EFNA5: variants seen among roughly 807,000 people sequenced by gnomAD.
The protein encoded by EFNA5 is ephrin A5, also known as ephrin-A5.
Under a neutral mutation model 22.9 loss-of-function variants are expected in EFNA5, and 5 were observed. That is an observed-to-expected ratio of 0.22 (90% CI 0.11 to 0.46). The LOEUF (loss-of-function observed/expected upper bound fraction) is 0.46, where lower values mean the gene tolerates loss of function less well. EFNA5 is among the 20% of genes least tolerant of loss of function. EFNA5 has a pLI of 0.99. For missense variants in EFNA5, 237 were observed against 293.3 expected, an observed-to-expected ratio of 0.81 and a Z score of 1.40; for synonymous variants, 113 against 112.2, an observed-to-expected ratio of 1.01 and a Z score of -0.04.
chr5:107,391,721 T>C (rs1163610118), intron 2 of EFNA5, among the ~76,000 whole-genome samples: 2 of 152,180 alleles, frequency 1.3e-5, no homozygotes, highest in African/African-American at 2.4e-5. Flanking sequence ...ACAAGCACAA[T>C]GTCCCATTCC....
At chr5:107,631,755 T>C (rs1428780698) in intron 1 of EFNA5, among the ~76,000 whole-genome samples, 1 of 152,098 alleles carries the variant, frequency 6.6e-6, no homozygotes, top group Non-Finnish European at 1.5e-5. Flanking sequence ...AGAAAGAAAA[T>C]GGGAGGGGGG....
At chr5:107,555,699 C>G (rs1310533941) in intron 1 of EFNA5, among the ~76,000 whole-genome samples, 1 of 152,168 alleles carries the variant, frequency 6.6e-6, no homozygotes, top group Admixed American at 6.5e-5. Flanking sequence ...TATAGCTAAT[C>G]TGATTTTGCT....
chr5:107,484,923 G>A (rs553930685), intron 1 of EFNA5, among the ~76,000 whole-genome samples: 2 of 150,488 alleles, frequency 1.3e-5, no homozygotes, highest in Non-Finnish European at 3.0e-5. Flanking sequence ...AAAACAAGAA[G>A]TAGAAAATTG....
rs1412144653 is a variant in EFNA5, at chr5:107,568,156, A to G, written c.125+102333T>C. Among the ~76,000 whole-genome samples the G allele has an allele frequency of 2.6e-5, 4 of 152,130 alleles. No individual in the cohort carries two copies. The East Asian group carries it at 5.8e-4, about 22-fold the overall frequency. ...AAGTGATCCTCCCACCTCAGCCTCC[A>G]AAAGTGCTGAGATTACAAGTGTGAG... is the stretch of plus-strand genomic sequence containing the variant. On this transcript the variant is annotated intron_variant, in intron 1 of 4. Transcript: ENST00000333274.
intron 2 of EFNA5, among the ~76,000 whole-genome samples, chr5:107,403,337 G>GT (rs992234790): frequency 3.3e-5 from 5 of 152,156 alleles, no homozygotes; most frequent in Admixed American, 1.3e-4. Context: ...AATGATTACA[G>GT]TTTTTTTCTG....
intron 1 of EFNA5, among the ~76,000 whole-genome samples, chr5:107,600,408 G>GATTACAACCTAATAAC (rs1366349431): frequency 6.6e-6 from 1 of 152,058 alleles, no homozygotes; most frequent in Non-Finnish European, 1.5e-5. Context: ...ATTCACTAAC[G>GATTACAACCTAATAAC]ATTACAACCT....
intron 1 of EFNA5, among the ~76,000 whole-genome samples, chr5:107,482,726 G>A (rs1167550434): frequency 6.6e-6 from 1 of 151,918 alleles, no homozygotes; most frequent in East Asian, 1.9e-4. Flanking sequence ...CAGGCTTAAA[G>A]TGACAAAATG....
rs1225251260 is a variant in EFNA5 at position 107,392,450 on chromosome 5, G to A, written c.419-4679C>T. 4.6e-5 allele frequency among the ~76,000 whole-genome samples: 7 copies of A among 152,144 alleles called. No homozygotes were observed. In the East Asian group the frequency reaches 1.3e-3, roughly 29 times the overall value. ...GAGACTTCCAGCCAAGAGGTACAAG[G>A]AACTGATGTCATAGTTCAACAACCC... is the stretch of plus-strand genomic sequence containing the variant. On this transcript the variant is annotated intron_variant, in intron 2 of 4. Transcript: ENST00000333274.
At chr5:107,450,341 C>T (rs1272511287) in intron 1 of EFNA5, among the ~76,000 whole-genome samples, 1 of 152,168 alleles carries the variant, frequency 6.6e-6, no homozygotes, top group Non-Finnish European at 1.5e-5. Flanking sequence ...CTGGTGCTAT[C>T]AGCCTCATTG....
At chr5:107,586,689 T>C (rs1749194249) in intron 1 of EFNA5, among the ~76,000 whole-genome samples, 2 of 152,194 alleles carry the variant, frequency 1.3e-5, no homozygotes, top group Admixed American at 1.3e-4. Flanking sequence ...TAGCCTTGTA[T>C]TTACAGAAAT....
intron 1 of EFNA5, among the ~76,000 whole-genome samples, chr5:107,474,415 G>A (rs1378513379): frequency 1.3e-5 from 2 of 151,694 alleles, no homozygotes; most frequent in African/African-American, 4.8e-5. Flanking sequence ...CATCAGCACT[G>A]AACAGCCACA....
intron 1 of EFNA5, among the ~76,000 whole-genome samples, chr5:107,491,455 G>A (rs1005489544): frequency 6.6e-6 from 1 of 152,126 alleles, no homozygotes; most frequent in African/African-American, 2.4e-5. Context: ...GGGATTACAG[G>A]TGTCCACCAC....
intron 1 of EFNA5, among the ~76,000 whole-genome samples, chr5:107,575,848 C>G (rs998265319): frequency 7.2e-5 from 11 of 152,104 alleles, no homozygotes; most frequent in Admixed American, 2.0e-4. Flanking sequence ...TTTCCAAAAT[C>G]ATTTAGTTAA....
At chr5:107,595,482 T>C (rs1580550142) in intron 1 of EFNA5, among the ~76,000 whole-genome samples, 2 of 41,844 alleles carry the variant, frequency 4.8e-5, no homozygotes, top group Admixed American at 3.2e-4. Flanking sequence ...TATCACCACA[T>C]TTTTTTACAT....
At chr5:107,618,693 C>T (rs1749973366) in intron 1 of EFNA5, among the ~76,000 whole-genome samples, 1 of 152,104 alleles carries the variant, frequency 6.6e-6, no homozygotes, top group African/African-American at 2.4e-5. Flanking sequence ...TTATACAAAA[C>T]AAGAGGAAAT....
At chr5:107,440,947 T>C (rs942361218) in intron 1 of EFNA5, among the ~76,000 whole-genome samples, 16 of 152,056 alleles carry the variant, frequency 1.1e-4, no homozygotes, top group Non-Finnish European at 2.4e-4. Flanking sequence ...CATCTGGGTA[T>C]CTACCTTGTA....
rs138284383 is a variant in EFNA5 at position 107,611,033 on chromosome 5, C to T, written c.125+59456G>A. ...GCGACCTGGGCATTTAACTATGCGC[C>T]TATTCCCAATGATATTCTGTCTCAA... On this transcript the variant is annotated intron_variant, in intron 1 of 4. Transcript: ENST00000333274. 3.2e-4 allele frequency among the ~76,000 whole-genome samples: 48 copies of T among 152,168 alleles called. No individual in the cohort carries two copies. The East Asian group carries it at 8.1e-3, about 26-fold the overall frequency.
intron 1 of EFNA5, among the ~76,000 whole-genome samples, chr5:107,546,342 T>C (rs1580523415): frequency 6.6e-6 from 1 of 152,156 alleles, no homozygotes; most frequent in East Asian, 1.9e-4. Context: ...TCAGAATCCA[T>C]AAGCAGAAAG....
rs142255292 is a variant in EFNA5, at chr5:107,458,260, C to T, written c.126-30751G>A. 1.4e-3 allele frequency among the ~76,000 whole-genome samples: 207 copies of T among 152,254 alleles called. 2 individuals carry two copies. The highest frequency in any genetic ancestry group is 4.8e-3 in the African/African-American group (201 of 41,560). On this transcript the variant is annotated intron_variant, in intron 1 of 4. Coordinates refer to ENST00000333274, the MANE Select transcript of EFNA5 (RefSeq NM_001962.3). ...CTTTAATCAGTCATTCAAACACCTT[C>T]CCTGAGCTTTAACTATGTGCTATGT...
Sources: allele counts gnomAD v4.1 joint callset (sites outside exome capture counted in the v4.1 genomes callset), GRCh38; gene constraint gnomAD v4.1.1; transcripts MANE v1.5; gene names NCBI Gene and HGNC (gene_info 2026-07-23, HGNC 2026-07-21).